Variants in ALX4 observed in about 807,000 individuals in gnomAD.
The protein encoded by ALX4 is ALX homeobox 4.
Under a neutral mutation model 40.6 loss-of-function variants are expected in ALX4, and 22 were observed. That is an observed-to-expected ratio of 0.54 (90% CI 0.39 to 0.77). The LOEUF (loss-of-function observed/expected upper bound fraction) is 0.77, where lower values mean the gene tolerates loss of function less well. ALX4 is among the 30% of genes least tolerant of loss of function. The pLI, the probability that ALX4 is intolerant of heterozygous loss-of-function variation, is 0.00. For synonymous variants in ALX4, 266 were observed against 240.5 expected (o/e 1.11, Z -0.98); for missense variants, 556 against 564.8 (o/e 0.98, Z 0.16).
At chr11:44,284,464 A>G (rs1956327164) in intron 1 of ALX4, among the ~76,000 whole-genome samples, 2 of 152,324 alleles carry the variant, frequency 1.3e-5, no homozygotes, top group African/African-American at 4.8e-5. Flanking sequence ...GGCACAAGAA[A>G]TACTTTTATC....
chr11:44,287,099 C>T lies in ALX4; in HGVS notation c.467-11441G>A, dbSNP rs146188112. Reference sequence around the variant, plus strand: ...TACCAGCTTCCCCGTGGGTTCTTCCCGAGGCAGGCATCCGCCGAGGCAGGG... The same window carrying T: ...TACCAGCTTCCCCGTGGGTTCTTCCTGAGGCAGGCATCCGCCGAGGCAGGG... On this transcript the variant is annotated intron_variant, in intron 1 of 3. Transcript: ENST00000652299. Among the ~76,000 whole-genome samples the T allele has an allele frequency of 1.4e-4, 22 of 152,322 alleles. No individual in the cohort carries two copies. The East Asian group carries it at 3.5e-3, about 24-fold the overall frequency.
intron 1 of ALX4, among the ~76,000 whole-genome samples, chr11:44,298,867 CAT>C (rs1313595939): frequency 1.3e-5 from 2 of 152,152 alleles, no homozygotes; most frequent in Admixed American, 1.3e-4. Context: ...CCCAGGCCTC[CAT>C]TCAAAGGAAG....
At chr11:44,305,918 C>A (rs1490873963) in intron 1 of ALX4, among the ~76,000 whole-genome samples, 2 of 152,244 alleles carry the variant, frequency 1.3e-5, no homozygotes, top group South Asian at 4.1e-4. Context: ...AGACTAGGAC[C>A]AGTACGCGCC....
chr11:44,281,879 G>C (rs1229528501), intron 1 of ALX4, among the ~76,000 whole-genome samples: 1 of 152,222 alleles, frequency 6.6e-6, no homozygotes, highest in Non-Finnish European at 1.5e-5. Context: ...GAGACAGACA[G>C]TGTCCCGGCC....
At chr11:44,284,154 T>C (rs1166389534) in intron 1 of ALX4, among the ~76,000 whole-genome samples, 1 of 150,828 alleles carries the variant, frequency 6.6e-6, no homozygotes, top group Non-Finnish European at 1.5e-5. Flanking sequence ...CCTCAGAAAA[T>C]ACTACAAGTT....
At chr11:44,285,401 C>T (rs184718256) in intron 1 of ALX4, among the ~76,000 whole-genome samples, 1 of 152,344 alleles carries the variant, frequency 6.6e-6, no homozygotes, top group East Asian at 1.9e-4. Context: ...TTCTGTTGGG[C>T]TCACAGGTTT....
chr11:44,273,585 C>T (rs142584518), intron 2 of ALX4, among the ~76,000 whole-genome samples: 2 of 152,190 alleles, frequency 1.3e-5, no homozygotes, highest in East Asian at 3.9e-4. Context: ...TGCTTGATCT[C>T]AAGGAAATCA....
At position 44,286,405 on chromosome 11, in the gene ALX4, C is replaced by T. The variant is rs1004558282; in HGVS notation, c.467-10747G>A. Among the ~76,000 whole-genome samples the T allele has an allele frequency of 3.9e-5, 6 of 152,178 alleles. No homozygotes were observed. In the East Asian group the frequency reaches 9.6e-4, roughly 24 times the overall value. The stretch of plus-strand genomic sequence containing the variant: ...GAAGAGGAGTCCCCGGCCCTGGCTG[C>T]TTACCCAGAAGGCTAAGCATTCAGG... On this transcript the variant is annotated intron_variant, in intron 1 of 3. Transcript: ENST00000652299.
At chr11:44,295,840 C>T (rs1956399613) in intron 1 of ALX4, among the ~76,000 whole-genome samples, 1 of 152,210 alleles carries the variant, frequency 6.6e-6, no homozygotes, top group Non-Finnish European at 1.5e-5. Context: ...AAGGCCACGT[C>T]CTCATGGGAT....
chr11:44,284,688 C>T (rs1421554131), intron 1 of ALX4, among the ~76,000 whole-genome samples: 1 of 152,216 alleles, frequency 6.6e-6, no homozygotes, highest in Non-Finnish European at 1.5e-5. Flanking sequence ...CGCTCTGCAG[C>T]GCACTGCACG....
chr11:44,265,126 C>A lies in ALX4; in HGVS notation c.964G>T (p.Val322Leu), dbSNP rs762716140. The stretch of plus-strand genomic sequence containing the variant: ...GCAGGCACCGGGTCGCAGGGGACCA[C>A]GCAGGCTGGCACTGGTGAGGCAGCC... ...NGAASPVPACVVPCDPVPACM... is the reference protein window; with the variant it reads ...NGAASPVPACLVPCDPVPACM... The change falls in exon 4 of 4, where the codon GTG becomes TTG. Residue 322 changes from valine (V) to leucine (L), a missense_variant. By Grantham distance (32) the Val-to-Leu change is conservative. Coordinates refer to ENST00000652299, the MANE Select transcript of ALX4 (RefSeq NM_021926.4). 4 of 1,610,756 alleles carry A rather than the reference C, an allele frequency of 2.5e-6. No individual in the cohort carries two copies. In the South Asian group the frequency reaches 4.4e-5, roughly 18 times the overall value.
rs774556630 is a variant in ALX4, at chr11:44,275,564, C to A, written c.561G>T (p.Val187=). 6 of 1,614,184 alleles carry A rather than the reference C, an allele frequency of 3.7e-6. No homozygotes were observed. Among genetic ancestry groups the A allele is most frequent in the South Asian group, 1.1e-5 (1 of 91,086 alleles). Residue 187 remains valine (V), a synonymous_variant, in exon 2 of 4, where the codon GTG becomes GTT. Coordinates refer to ENST00000652299, the MANE Select transcript of ALX4 (RefSeq NM_021926.4). ...SSYLSVKEAG[V]KGPQDRASSD... is the part of the protein sequence containing the mutation. The stretch of plus-strand genomic sequence containing the variant: ...AGCTGGCCCGGTCCTGGGGCCCCTT[C>A]ACCCCAGCCTCCTTGACACTCAGGT...
intron 1 of ALX4, among the ~76,000 whole-genome samples, chr11:44,309,152 T>C (rs1218919449): frequency 1.6e-5 from 1 of 62,114 alleles, no homozygotes; most frequent in Non-Finnish European, 3.9e-5. Context: ...GCAGTCCTGC[T>C]GTCCCGCAGC....
At chr11:44,271,711 C>T (rs879425672) in intron 2 of ALX4, among the ~76,000 whole-genome samples, 10 of 152,114 alleles carry the variant, frequency 6.6e-5, no homozygotes, top group Admixed American at 1.3e-4. Flanking sequence ...TGTGTGTGTG[C>T]GCGCGCATGT....
intron 1 of ALX4, among the ~76,000 whole-genome samples, chr11:44,306,871 C>G (rs914205079): frequency 6.6e-6 from 1 of 152,132 alleles, no homozygotes; most frequent in South Asian, 2.1e-4. Context: ...TTAGACCTAA[C>G]GCGCCTAATC....
At chr11:44,288,590 C>T (rs1023190360) in intron 1 of ALX4, among the ~76,000 whole-genome samples, 3 of 152,192 alleles carry the variant, frequency 2.0e-5, no homozygotes, top group East Asian at 1.9e-4. Flanking sequence ...GGGCCTTGTA[C>T]GTTGCAATAA....
chr11:44,270,962 G>A (rs367721005), intron 2 of ALX4, among the ~76,000 whole-genome samples: 1 of 152,246 alleles, frequency 6.6e-6, no homozygotes, highest in African/African-American at 2.4e-5. Flanking sequence ...AGACAGCAGA[G>A]AGAGGCCCCT....
At chr11:44,305,556 G>T (rs1375780082) in intron 1 of ALX4, among the ~76,000 whole-genome samples, 2 of 152,184 alleles carry the variant, frequency 1.3e-5, no homozygotes, top group African/African-American at 4.8e-5. Flanking sequence ...GTCGTCTCTT[G>T]TATACAAAAC....
rs137961666 is a variant in ALX4, at chr11:44,287,703, T to C, written c.467-12045A>G. 1.1e-3 allele frequency among the ~76,000 whole-genome samples: 168 copies of C among 151,752 alleles called. 1 individual carries two copies. Among genetic ancestry groups the C allele is most frequent in the African/African-American group, 3.9e-3 (163 of 41,340 alleles). On this transcript the variant is annotated intron_variant, in intron 1 of 3. Coordinates refer to ENST00000652299, the MANE Select transcript of ALX4 (RefSeq NM_021926.4). ...GCCTACTGGGCCCTCCTGGGGTGGA[T>C]GCTGTGGGTGGGACTGGGACAGGCA...
Sources: gnomAD v4.1 joint callset for allele counts (sites outside exome capture counted in the v4.1 genomes callset) on GRCh38, gnomAD v4.1.1 for gene constraint, MANE v1.5 for transcripts, NCBI Gene and HGNC (gene_info 2026-07-23, HGNC 2026-07-21) for gene names.